IDO1: variants seen among roughly 807,000 people sequenced by gnomAD.
The protein encoded by IDO1 is indoleamine 2,3-dioxygenase 1, also known as indolamine 2,3 dioxygenase.
In IDO1, 35 loss-of-function variants were observed where a neutral mutation model predicts 38.8. That is an observed-to-expected ratio of 0.90 (90% CI 0.69 to 1.20). The LOEUF is 1.20. Among genes scored for constraint, IDO1 ranks in the 50% most tolerant of loss-of-function variants. IDO1 has a pLI of 0.00. For synonymous variants in IDO1, 171 were observed against 170.0 expected (o/e 1.01, Z -0.05); for missense variants, 509 against 485.1 (o/e 1.05, Z -0.46).
chr8:39,927,578 C>T (rs1455594103), intron 9 of IDO1, among the ~76,000 whole-genome samples: 4 of 145,922 alleles, frequency 2.7e-5, no homozygotes, highest in African/African-American at 5.0e-5. Flanking sequence ...AAAAAAAAAG[C>T]GCAAACAAAA....
At chr8:39,919,847 T>A (rs1213070815) in intron 4 of IDO1, among the ~76,000 whole-genome samples, 15 of 152,146 alleles carry the variant, frequency 9.9e-5, no homozygotes, top group Admixed American at 7.9e-4. Flanking sequence ...CTCAAAAAAA[T>A]AAAAATAAAA....
chr8:39,915,762 C>T (rs1423234230), intron 1 of IDO1: 1 of 152,032 alleles, frequency 6.6e-6, no homozygotes. Flanking sequence ...TTCGATTCTC[C>T]TTAAAAATGC....
intron 9 of IDO1, among the ~76,000 whole-genome samples, chr8:39,927,217 T>A (rs1807375211): frequency 6.6e-6 from 1 of 152,216 alleles, no homozygotes; most frequent in Non-Finnish European, 1.5e-5. Flanking sequence ...AGATTATATA[T>A]GCCCCTTGTC....
intron 4 of IDO1, 103 bp downstream of exon 4, chr8:39,919,036 C>A: frequency 1.3e-6 from 1 of 794,230 alleles, no homozygotes; most frequent in Non-Finnish European, 2.3e-6. Context: ...GCTTTCCTCT[C>A]AGCTGGGTAT....
At chr8:39,915,958 G>C (rs1807168734) in intron 1 of IDO1, among the ~76,000 whole-genome samples, 1 of 152,084 alleles carries the variant, frequency 6.6e-6, no homozygotes, top group South Asian at 2.1e-4. Flanking sequence ...GAGGTCAGGA[G>C]TTCGAGACCA....
chr8:39,919,775 G>A (rs1385203883), intron 4 of IDO1, among the ~76,000 whole-genome samples: 1 of 152,164 alleles, frequency 6.6e-6, no homozygotes, highest in African/African-American at 2.4e-5. Context: ...AAGAAGTTGA[G>A]GCTGCAGTGA....
intron 9 of IDO1, among the ~76,000 whole-genome samples, chr8:39,927,011 T>C (rs550170039): frequency 1.3e-5 from 2 of 152,326 alleles, no homozygotes; most frequent in African/African-American, 2.4e-5. Flanking sequence ...GCTGCATCCA[T>C]GTTGCTGTGA....
intron 4 of IDO1, chr8:39,919,162 G>A: frequency 1.5e-6 from 1 of 664,966 alleles, no homozygotes; most frequent in Non-Finnish European, 2.8e-6. Flanking sequence ...CAAATCTTAA[G>A]TGTTCAGCTT....
chr8:39,914,054 A>T (rs1220362445), intron 1 of IDO1, 45 bp downstream of exon 1: 11 of 1,361,730 alleles, frequency 8.1e-6, no homozygotes, highest in Non-Finnish European at 1.1e-5. Context: ...TCTTCTTCTC[A>T]TTCCTTACCT....
Position 39,928,185 on chromosome 8 carries a change from A to G in IDO1, c.1212A>G (p.Ter404=), listed in dbSNP as rs1183226493. Residue 404 remains the stop codon, a stop_retained_variant, in exon 10 of 10, where the codon TAA becomes TAG. Coordinates refer to ENST00000518237, the MANE Select transcript of IDO1 (RefSeq NM_002164.6). ...AGAAATCCCTTTTGAAGGAAGGTTA[A>G]TGTAACCCAACAAGAGCACATTTTA... ...TTEKSLLKEG[*] 1.9e-6 allele frequency: 3 copies of G among 1,599,134 alleles called. No individual in the cohort carries two copies. Among genetic ancestry groups the G allele is most frequent in the East Asian group, 2.2e-5 (1 of 44,720 alleles).
At chr8:39,916,337 C>G (rs1357709148) in intron 1 of IDO1, among the ~76,000 whole-genome samples, 2 of 151,678 alleles carry the variant, frequency 1.3e-5, no homozygotes, top group Non-Finnish European at 2.9e-5. Context: ...AAAAATTACC[C>G]AGCATGTTGG....
Position 39,923,529 on chromosome 8 carries a change from C to A in IDO1, c.598C>A (p.Leu200Met). The change falls in exon 7 of 10, where the codon CTG (leucine) becomes ATG (methionine). Residue 200 changes from leucine to methionine, a missense_variant. By Grantham distance (15) the Leu-to-Met change is conservative (BLOSUM62 2). Transcript: ENST00000518237. Reference protein sequence around the residue: ...MQERDTLLKALLEIASCLEKA... With the variant: ...MQERDTLLKAMLEIASCLEKA... Reference sequence around the variant, plus strand: ...AGAACGGGACACTTTGCTAAAGGCGCTGTTGGAAATAGCTTCTTGCTTGGA... The same window carrying A: ...AGAACGGGACACTTTGCTAAAGGCGATGTTGGAAATAGCTTCTTGCTTGGA... 1 of 1,613,144 alleles carries A rather than the reference C, an allele frequency of 6.2e-7. No homozygotes were observed. Among genetic ancestry groups the A allele is most frequent in the Middle Eastern group, 1.6e-4 (1 of 6,062 alleles).
intron 1 of IDO1, among the ~76,000 whole-genome samples, chr8:39,914,443 T>C (rs1393300116): frequency 1.3e-5 from 2 of 152,228 alleles, no homozygotes; most frequent in East Asian, 3.8e-4. Context: ...GTGTTTCTAA[T>C]TTGATGGGGT....
At chr8:39,919,771 T>G (rs1381224187) in intron 4 of IDO1, among the ~76,000 whole-genome samples, 2 of 152,108 alleles carry the variant, frequency 1.3e-5, no homozygotes, top group Non-Finnish European at 2.9e-5. Flanking sequence ...GCCCAAGAAG[T>G]TGAGGCTGCA....
At position 39,922,560 on chromosome 8, in the gene IDO1, A is replaced by G. The variant is rs1160000037; in HGVS notation, c.446A>G (p.Asp149Gly). ...PNKPLTYENM[D>G]VLFSFRDGDC... ...TTATCCAATTTCCTCAGGAACATGG[A>G]CGTTTTGTTCTCATTTCGTGATGGA... The change falls in exon 6 of 10, where the codon GAC becomes GGC. Residue 149 changes from aspartate (D) to glycine (G), a missense_variant. By Grantham distance (94) the Asp-to-Gly change is moderately conservative (BLOSUM62 -1). Coordinates refer to ENST00000518237, the MANE Select transcript of IDO1 (RefSeq NM_002164.6). The G allele has an allele frequency of 1.2e-6, 2 of 1,611,722 alleles. No homozygotes were observed. Among genetic ancestry groups the G allele is most frequent in the Non-Finnish European group, 8.5e-7 (1 of 1,177,882 alleles).
chr8:39,924,776 T>C lies in IDO1; in HGVS notation c.707+4T>C, dbSNP rs750898203. On this transcript the variant is annotated splice_donor_region_variant and intron_variant, in intron 8 of 9. Transcript: ENST00000518237. Reference sequence around the variant, plus strand: ...TTCTTCGCATATATTTGTCTGGGTATGTAGTCTTATGTTTGAATTTGTTTG... The same window carrying C: ...TTCTTCGCATATATTTGTCTGGGTACGTAGTCTTATGTTTGAATTTGTTTG... 20 of 1,600,292 alleles carry C rather than the reference T, an allele frequency of 1.2e-5. No individual in the cohort carries two copies. The highest frequency in any genetic ancestry group is 8.9e-5 in the East Asian group (4 of 44,776).
chr8:39,924,433 A>G (rs954140284), intron 7 of IDO1, among the ~76,000 whole-genome samples: 1 of 151,686 alleles, frequency 6.6e-6, no homozygotes, highest in Non-Finnish European at 1.5e-5. Flanking sequence ...GTTTGTTTTG[A>G]TTTGTTTTTT....
chr8:39,926,451 G>A (rs575523539), intron 9 of IDO1, among the ~76,000 whole-genome samples: 6 of 152,270 alleles, frequency 3.9e-5, no homozygotes, highest in African/African-American at 1.4e-4. Flanking sequence ...CAGCTGTCCC[G>A]TGGCCCCAGC....
chr8:39,924,643 T>G, intron 7 of IDO1, 78 bp from the exon 8 acceptor site: 1 of 1,008,436 alleles, frequency 9.9e-7, no homozygotes, highest in South Asian at 1.4e-5. Flanking sequence ...CAAAATCCAT[T>G]ATCAGTTGTA....
Sources: gnomAD v4.1 joint callset for allele counts (sites outside exome capture counted in the v4.1 genomes callset) on GRCh38, gnomAD v4.1.1 for gene constraint, MANE v1.5 for transcripts, NCBI Gene and HGNC (gene_info 2026-07-23, HGNC 2026-07-21) for gene names.